Variants in CDH26 observed in about 807,000 individuals in gnomAD.
CDH26 encodes cadherin 26.
CDH26 carries 83 observed loss-of-function variants against 90.3 expected under a neutral mutation model. That is an observed-to-expected ratio of 0.92 (90% CI 0.77 to 1.10). The LOEUF is 1.10. CDH26 is among the 50% of genes least tolerant of loss of function. CDH26 has a pLI of 0.00. For missense variants in CDH26, 1,013 were observed against 1,037.6 expected (o/e 0.98, Z 0.33); for synonymous variants, 397 against 396.3 (o/e 1.00, Z -0.02).
Position 59,958,550 on chromosome 20 carries a change from A to C in CDH26, c.-177A>C. 1 of 663,362 alleles carries C rather than the reference A, an allele frequency of 1.5e-6. No homozygotes were observed. Among genetic ancestry groups the C allele is most frequent in the Non-Finnish European group, 2.7e-6 (1 of 368,568 alleles). 41.1% of individuals were successfully genotyped at this position (663,362 alleles called of 1,614,324 possible). A position where few individuals can be genotyped will look rare whatever the true frequency, so the allele number is the denominator to read the frequency against. On this transcript the variant is annotated 5_prime_UTR_variant, in exon 1 of 18. Transcript: ENST00000348616. ...CAGCCCACCCCACTCTGATAAATGC[A>C]AGAAAAGCTGAAAAGGGAGGAGCAA...
intron 13 of CDH26, among the ~76,000 whole-genome samples, chr20:59,998,101 G>C (rs1261346834): frequency 6.6e-6 from 1 of 152,242 alleles, no homozygotes; most frequent in Non-Finnish European, 1.5e-5. Context: ...TTGATTTGTT[G>C]TGTAATTTTA....
intron 11 of CDH26, among the ~76,000 whole-genome samples, chr20:59,994,989 T>C (rs1263154361): frequency 6.6e-6 from 1 of 152,198 alleles, no homozygotes; most frequent in African/African-American, 2.4e-5. Context: ...TACCAGAAGA[T>C]GAACATGCTG....
chr20:60,023,960 G>GA (rs1555903940), intron 7 of CDH26, among the ~76,000 whole-genome samples: 1 of 147,204 alleles, frequency 6.8e-6, no homozygotes, highest in Non-Finnish European at 1.5e-5. Context: ...GCTGACAGAG[G>GA]GAGAGAGAGA....
chr20:59,964,713 A>G (rs780341537), intron 1 of CDH26, among the ~76,000 whole-genome samples: 4 of 152,214 alleles, frequency 2.6e-5, no homozygotes, highest in Non-Finnish European at 4.4e-5. Flanking sequence ...AAGTATAAAC[A>G]TCCACCATTT....
chr20:59,967,819 TTC>T (rs1362029713), intron 1 of CDH26, among the ~76,000 whole-genome samples: 2 of 31,392 alleles, frequency 6.4e-5, no homozygotes, highest in East Asian at 9.7e-4. Flanking sequence ...CCTCATTTCT[TTC>T]TTTCTTTCTT....
At chr20:60,020,192 A>G (rs1569067854) in intron 7 of CDH26, among the ~76,000 whole-genome samples, 1 of 152,184 alleles carries the variant, frequency 6.6e-6, no homozygotes, top group Non-Finnish European at 1.5e-5. Flanking sequence ...CTGACCTGGG[A>G]TCATGCCTGC....
At chr20:59,986,651 A>ACACACT (rs923371985) in intron 7 of CDH26, among the ~76,000 whole-genome samples, 2 of 150,188 alleles carry the variant, frequency 1.3e-5, no homozygotes. Context: ...ACACACACAC[A>ACACACT]CACACACACT....
chr20:59,962,835 A>G (rs1294716230), intron 1 of CDH26, among the ~76,000 whole-genome samples: 1 of 152,172 alleles, frequency 6.6e-6, no homozygotes, highest in African/African-American at 2.4e-5. Context: ...TGAGAGAAGC[A>G]GAGGCATCAA....
chr20:59,985,433 G>A (rs559574017), intron 7 of CDH26, among the ~76,000 whole-genome samples: 1 of 152,182 alleles, frequency 6.6e-6, no homozygotes, highest in South Asian at 2.1e-4. Context: ...AGACACGGGA[G>A]GTGGGTGGGG....
chr20:59,991,911 G>C (rs1192885378), intron 9 of CDH26, among the ~76,000 whole-genome samples: 6 of 152,190 alleles, frequency 3.9e-5, no homozygotes, highest in Non-Finnish European at 7.3e-5. Context: ...TGAGGGGGAT[G>C]TAGAAGACCA....
chr20:60,027,267 T>C (rs1292818269), intron 7 of CDH26, among the ~76,000 whole-genome samples: 3 of 152,140 alleles, frequency 2.0e-5, no homozygotes, highest in Non-Finnish European at 4.4e-5. Context: ...GTGATGGTCA[T>C]AGGGTCACAT....
intron 1 of CDH26, among the ~76,000 whole-genome samples, chr20:59,963,628 C>T (rs1341415088): frequency 1.3e-5 from 2 of 151,584 alleles, no homozygotes; most frequent in Non-Finnish European, 3.0e-5. Flanking sequence ...ATTTTAGGGG[C>T]CCAATTAGCC....
chr20:59,975,913 C>T (rs1261264024), intron 4 of CDH26, among the ~76,000 whole-genome samples: 1 of 152,070 alleles, frequency 6.6e-6, no homozygotes, highest in Non-Finnish European at 1.5e-5. Context: ...TACAAGAAAG[C>T]AGTAGCCCTG....
At chr20:60,014,838 A>G (rs2061891401), downstream of CDH26, among the ~76,000 whole-genome samples, 1 of 152,162 alleles carries the variant, frequency 6.6e-6, no homozygotes, top group Non-Finnish European at 1.5e-5. Context: ...TTTGAATTAT[A>G]TTGTAGTTCT....
chr20:59,981,489 T>A (rs1026992987), intron 4 of CDH26, among the ~76,000 whole-genome samples: 1 of 152,190 alleles, frequency 6.6e-6, no homozygotes, highest in Non-Finnish European at 1.5e-5. Flanking sequence ...AAATTTTTAT[T>A]TCTAATTATG....
At chr20:59,969,160 C>G in intron 2 of CDH26, 137 bp downstream of exon 2, 1 of 580,234 alleles carries the variant, frequency 1.7e-6, no homozygotes, top group East Asian at 2.8e-5. Context: ...CTTCATGTGG[C>G]CTTTTAGAAT....
rs760176693 is a variant in CDH26 at position 59,995,932 on chromosome 20, C to T, written c.1766C>T (p.Thr589Ile). Residue 589 changes from threonine to isoleucine, a missense_variant, in exon 12 of 18, where the codon ACT (threonine) becomes ATT (isoleucine). Coordinates refer to ENST00000348616, the MANE Select transcript of CDH26 (RefSeq NM_177980.4). ...AAACAGGGACTTTCCCAGAAGCAAACTGTCCATGTAAGGATCTGCCCCTGT... is the reference window on the plus strand; with the variant it reads ...AAACAGGGACTTTCCCAGAAGCAAATTGTCCATGTAAGGATCTGCCCCTGT... The part of the protein sequence containing the change: ...GDKQGLSQKQ[T>I]VHVRICPCAS... The T allele has an allele frequency of 9.3e-6, 15 of 1,614,248 alleles. 1 individual carries two copies. The highest frequency in any genetic ancestry group is 3.3e-5 in the Admixed American group (2 of 60,038).
intron 16 of CDH26, among the ~76,000 whole-genome samples, chr20:60,004,560 A>G (rs1396044073): frequency 6.6e-6 from 1 of 152,006 alleles, no homozygotes; most frequent in African/African-American, 2.4e-5. Context: ...AGATCAGGAG[A>G]TAGAGACCAT....
intron 7 of CDH26, among the ~76,000 whole-genome samples, chr20:60,023,566 T>TA (rs554004527): frequency 0.025 from 3,615 of 143,458 alleles, 102 homozygotes; most frequent in African/African-American, 0.075. Context: ...TTTATAATGT[T>TA]AAAAAAAAAA....
Sources: gnomAD v4.1 joint callset for allele counts (sites outside exome capture counted in the v4.1 genomes callset) on GRCh38, gnomAD v4.1.1 for gene constraint, MANE v1.5 for transcripts, NCBI Gene and HGNC (gene_info 2026-07-23, HGNC 2026-07-21) for gene names.